Variants in CTNND2 observed in about 807,000 individuals in gnomAD.
The protein encoded by CTNND2 is catenin delta 2.
In CTNND2, 22 loss-of-function variants were observed where a neutral mutation model predicts 144.4. The observed-to-expected ratio is 0.15, with a 90% CI of 0.11 to 0.22. The LOEUF (loss-of-function observed/expected upper bound fraction) is 0.22. CTNND2 is among the 10% of genes least tolerant of loss of function. The pLI is 1.00. For synonymous variants in CTNND2, 751 were observed against 695.6 expected (o/e 1.08, Z -1.25); for missense variants, 1,353 against 1,618.8 (o/e 0.84, Z 2.82).
chr5:11,567,429 T>A (rs1777205962), intron 2 of CTNND2, among the ~76,000 whole-genome samples: 1 of 152,202 alleles, frequency 6.6e-6, no homozygotes, highest in Non-Finnish European at 1.5e-5. Flanking sequence ...TTATGAATTG[T>A]TTTTCTGTTC....
chr5:11,719,895 T>A (rs958380932), intron 2 of CTNND2, among the ~76,000 whole-genome samples: 29 of 151,362 alleles, frequency 1.9e-4, no homozygotes, highest in African/African-American at 7.0e-4. Flanking sequence ...CCTTTCCAAC[T>A]TTTTTCGTAC....
intron 11 of CTNND2, among the ~76,000 whole-genome samples, chr5:11,169,858 C>T (rs1759725359): frequency 6.6e-6 from 1 of 152,058 alleles, no homozygotes; most frequent in African/African-American, 2.4e-5. Flanking sequence ...AGCAAAGCAA[C>T]CTTGATGAAG....
chr5:11,209,998 A>G (rs1398553451), intron 10 of CTNND2, among the ~76,000 whole-genome samples: 1 of 152,214 alleles, frequency 6.6e-6, no homozygotes, highest in Non-Finnish European at 1.5e-5. Flanking sequence ...TACTGAAGTT[A>G]GGATACATCT....
intron 18 of CTNND2, among the ~76,000 whole-genome samples, chr5:11,007,336 G>A (rs1740586867): frequency 6.6e-6 from 1 of 151,600 alleles, no homozygotes. Flanking sequence ...TACCTTACCA[G>A]CGGCCAATCT....
chr5:11,707,709 A>ACT (rs146961633), intron 2 of CTNND2, among the ~76,000 whole-genome samples: 7 of 152,084 alleles, frequency 4.6e-5, no homozygotes, highest in Non-Finnish European at 8.8e-5. Context: ...TTTTCTTCCT[A>ACT]CTCTCTCTCT....
At position 11,636,244 on chromosome 5, in the gene CTNND2, T is replaced by C. The variant is rs1781697592; in HGVS notation, c.175-71188A>G. On this transcript the variant is annotated intron_variant, in intron 2 of 21. Transcript: ENST00000304623. ...CTCAGTTGGCTATAGGATATAGCTA[T>C]AACTATTGCCAATCTCAAACCTCTG... Among the ~76,000 whole-genome samples, 3 of 152,302 alleles carry C rather than the reference T, an allele frequency of 2.0e-5. No individual in the cohort carries two copies. In the South Asian group the frequency reaches 6.2e-4, roughly 32 times the overall value.
chr5:11,375,740 T>G (rs1757862008), intron 7 of CTNND2, among the ~76,000 whole-genome samples: 1 of 152,182 alleles, frequency 6.6e-6, no homozygotes, highest in Non-Finnish European at 1.5e-5. Flanking sequence ...ACCAACTGGT[T>G]TTGTACCCTA....
intron 15 of CTNND2, among the ~76,000 whole-genome samples, chr5:11,085,322 T>C (rs915662082): frequency 2.0e-5 from 3 of 152,194 alleles, no homozygotes; most frequent in Non-Finnish European, 4.4e-5. Context: ...TATTGAGACA[T>C]AGAAAATAGC....
intron 1 of CTNND2, among the ~76,000 whole-genome samples, chr5:11,767,003 C>G (rs1457360921): frequency 2.0e-5 from 3 of 149,792 alleles, no homozygotes; most frequent in East Asian, 3.9e-4. Flanking sequence ...ACCCACCCCA[C>G]CCCACTGCAC....
At chr5:11,651,401 G>A (rs769611006) in intron 2 of CTNND2, among the ~76,000 whole-genome samples, 3 of 152,166 alleles carry the variant, frequency 2.0e-5, no homozygotes, top group Non-Finnish European at 2.9e-5. Flanking sequence ...TGCTGCAGGC[G>A]CACAGCCATC....
At chr5:11,380,222 C>A (rs900317298) in intron 7 of CTNND2, among the ~76,000 whole-genome samples, 2 of 152,132 alleles carry the variant, frequency 1.3e-5, no homozygotes, top group African/African-American at 4.8e-5. Flanking sequence ...AGGGGTTATG[C>A]CTCATTCATC....
At chr5:11,683,553 T>C (rs895147705) in intron 2 of CTNND2, among the ~76,000 whole-genome samples, 3 of 152,260 alleles carry the variant, frequency 2.0e-5, no homozygotes, top group Non-Finnish European at 4.4e-5. Flanking sequence ...CTGTAACTGT[T>C]GAAGACCGTC....
At chr5:11,459,199 T>A (rs926106371) in intron 3 of CTNND2, among the ~76,000 whole-genome samples, 1 of 152,208 alleles carries the variant, frequency 6.6e-6, no homozygotes, top group Non-Finnish European at 1.5e-5. Context: ...ATTGTTGTTA[T>A]ATTACCATTT....
chr5:11,817,637 A>G (rs2126933576), intron 1 of CTNND2, among the ~76,000 whole-genome samples: 1 of 152,130 alleles, frequency 6.6e-6, no homozygotes, highest in East Asian at 1.9e-4. Context: ...GAGACTTAAG[A>G]CATAAAAGCC....
intron 1 of CTNND2, among the ~76,000 whole-genome samples, chr5:11,846,940 A>G (rs1472772652): frequency 6.6e-6 from 1 of 151,810 alleles, no homozygotes; most frequent in Non-Finnish European, 1.5e-5. Flanking sequence ...AAGACAAAAA[A>G]TAAATGCTGG....
chr5:11,240,347 ACACACACACATT>A (rs1742157185), intron 9 of CTNND2, among the ~76,000 whole-genome samples: 2 of 97,186 alleles, frequency 2.1e-5, no homozygotes, highest in African/African-American at 8.2e-5. Flanking sequence ...CATACACCCA[ACACACACACATT>A]CACACACACC....
chr5:11,141,580 A>G (rs1756725846), intron 12 of CTNND2, among the ~76,000 whole-genome samples: 1 of 152,240 alleles, frequency 6.6e-6, no homozygotes, highest in Non-Finnish European at 1.5e-5. Context: ...TGGATATGCA[A>G]GAAGGCCAGC....
intron 2 of CTNND2, among the ~76,000 whole-genome samples, chr5:11,585,842 G>A (rs1318521036): frequency 1.3e-5 from 2 of 152,142 alleles, no homozygotes; most frequent in African/African-American, 4.8e-5. Flanking sequence ...CTGGGCTGGG[G>A]GGTGAGGAGA....
chr5:11,629,066 G>T (rs972871441), intron 2 of CTNND2, among the ~76,000 whole-genome samples: 1 of 152,224 alleles, frequency 6.6e-6, no homozygotes, highest in African/African-American at 2.4e-5. Context: ...TTGACTAGGT[G>T]ACTGCAAGTT....
Sources: allele counts gnomAD v4.1 joint callset (sites outside exome capture counted in the v4.1 genomes callset), GRCh38; gene constraint gnomAD v4.1.1; transcripts MANE v1.5; gene names NCBI Gene and HGNC (gene_info 2026-07-23, HGNC 2026-07-21).